CCDC171: variants seen among roughly 807,000 people sequenced by gnomAD.
CCDC171 encodes coiled-coil domain-containing protein 171.
CCDC171 carries 177 observed loss-of-function variants against 168.2 expected under a neutral mutation model. The observed-to-expected ratio is 1.05, with a 90% confidence interval of 0.93 to 1.19. The LOEUF (loss-of-function observed/expected upper bound fraction) is 1.19, where lower values mean the gene tolerates loss of function less well. Among genes scored for constraint, CCDC171 ranks in the 50% most tolerant of loss-of-function variants. The probability of loss-of-function intolerance (pLI) is 0.00; values close to 1 mark genes in which losing one functional copy is unlikely to be tolerated. For synonymous variants in CCDC171, 687 were observed against 540.8 expected, an observed-to-expected ratio of 1.27 and a Z score of -3.75; for missense variants, 1,991 against 1,539.0, an observed-to-expected ratio of 1.29 and a Z score of -4.91.
At chr9:15,808,796 C>T (rs750946310) in intron 21 of CCDC171, among the ~76,000 whole-genome samples, 96 of 152,180 alleles carry the variant, frequency 6.3e-4, no homozygotes, top group Admixed American at 4.0e-3. Flanking sequence ...TAGGATGTTG[C>T]CTTAGTCTAT....
chr9:15,604,499 A>G (rs377234636), intron 6 of CCDC171, among the ~76,000 whole-genome samples: 61 of 152,344 alleles, frequency 4.0e-4, no homozygotes, highest in African/African-American at 1.1e-3. Context: ...CCAAAATTCT[A>G]TACCTCAACC....
At chr9:16,080,142 C>G in the CCDC171 span, among the ~76,000 whole-genome samples, 1 of 152,160 alleles carries the variant, frequency 6.6e-6, no homozygotes, top group African/African-American at 2.4e-5. Flanking sequence ...GCTTCTGGAG[C>G]CTTTACCCTC....
intron 25 of CCDC171, among the ~76,000 whole-genome samples, chr9:15,931,034 A>T (rs1024556064): frequency 1.3e-5 from 2 of 151,548 alleles, no homozygotes; most frequent in African/African-American, 4.8e-5. Context: ...AGTCACATCC[A>T]TGCAATAAAC....
chr9:15,990,978 G>A (rs1250515184), intron 3 of CCDC171, among the ~76,000 whole-genome samples: 1 of 152,120 alleles, frequency 6.6e-6, no homozygotes, highest in Admixed American at 6.5e-5. Context: ...ATAATAATGG[G>A]AGACTTTAAC....
chr9:15,944,510 T>C (rs1459641691), intron 25 of CCDC171, among the ~76,000 whole-genome samples: 1 of 152,166 alleles, frequency 6.6e-6, no homozygotes, highest in Non-Finnish European at 1.5e-5. Flanking sequence ...ATGTATTCAA[T>C]ACTTACAACA....
At chr9:15,732,006 C>G (rs1044202540) in intron 16 of CCDC171, among the ~76,000 whole-genome samples, 1 of 151,950 alleles carries the variant, frequency 6.6e-6, no homozygotes, top group Non-Finnish European at 1.5e-5. Flanking sequence ...TGTAAAGTAT[C>G]TCTTCTACTG....
chr9:15,917,313 T>G (rs1824666392), intron 24 of CCDC171, among the ~76,000 whole-genome samples: 1 of 151,872 alleles, frequency 6.6e-6, no homozygotes, highest in African/African-American at 2.4e-5. Flanking sequence ...TTATACATAT[T>G]AGTAACATGA....
intron 6 of CCDC171, among the ~76,000 whole-genome samples, chr9:15,599,644 G>A (rs1038171600): frequency 3.3e-5 from 5 of 152,134 alleles, no homozygotes; most frequent in East Asian, 1.9e-4. Flanking sequence ...TGCTCCTTTC[G>A]AGGAGTATCT....
intron 2 of CCDC171, among the ~76,000 whole-genome samples, chr9:15,565,350 A>G (rs1228837118): frequency 6.6e-6 from 1 of 152,038 alleles, no homozygotes; most frequent in East Asian, 1.9e-4. Context: ...CAATGTATCA[A>G]AGTTTTTAAA....
chr9:15,657,755 A>G (rs374536062), intron 8 of CCDC171, among the ~76,000 whole-genome samples: 1 of 152,356 alleles, frequency 6.6e-6, no homozygotes, highest in Non-Finnish European at 1.5e-5. Flanking sequence ...GAAGTACAAA[A>G]TACTGAAATA....
At chr9:15,880,189 A>G (rs367807323) in intron 24 of CCDC171, among the ~76,000 whole-genome samples, 62 of 152,248 alleles carry the variant, frequency 4.1e-4, no homozygotes, top group African/African-American at 1.4e-3. Context: ...TTCTAAGTCC[A>G]TGACTGTGCT....
rs576739739 is a variant in CCDC171 at position 15,950,657 on chromosome 9, C to A, written c.3754-20952C>A. 5.0e-3 allele frequency among the ~76,000 whole-genome samples: 760 copies of A among 151,974 alleles called. 9 individuals carry two copies. Among genetic ancestry groups the A allele is most frequent in the African/African-American group, 0.017 (711 of 41,438 alleles). ...ATGGAAAGGAACAACCGATACCAGCCGCTGCAAAATCATGCCAAAATGTAA... is the reference window on the plus strand; with the variant it reads ...ATGGAAAGGAACAACCGATACCAGCAGCTGCAAAATCATGCCAAAATGTAA... On this transcript the variant is annotated intron_variant, in intron 25 of 25. Coordinates refer to ENST00000380701, the MANE Select transcript of CCDC171 (RefSeq NM_173550.4).
At chr9:15,878,922 T>G (rs1818229660) in intron 24 of CCDC171, among the ~76,000 whole-genome samples, 1 of 152,038 alleles carries the variant, frequency 6.6e-6, no homozygotes, top group African/African-American at 2.4e-5. Flanking sequence ...AGCTAAATGA[T>G]GAGAACACAT....
chr9:15,586,659 G>C (rs2041585591), intron 4 of CCDC171, among the ~76,000 whole-genome samples: 1 of 152,084 alleles, frequency 6.6e-6, no homozygotes, highest in African/African-American at 2.4e-5. Flanking sequence ...TGCTACTCTG[G>C]GATTACTTAA....
chr9:15,827,633 T>C (rs994873528), intron 21 of CCDC171, among the ~76,000 whole-genome samples: 2 of 152,212 alleles, frequency 1.3e-5, no homozygotes, highest in African/African-American at 4.8e-5. Context: ...CTTATAATTA[T>C]TAAAAGTTTC....
At chr9:15,740,951 T>C (rs1298128540) in intron 16 of CCDC171, among the ~76,000 whole-genome samples, 1 of 152,240 alleles carries the variant, frequency 6.6e-6, no homozygotes, top group African/African-American at 2.4e-5. Context: ...TTATTTTGTG[T>C]CTTTCAACCA....
chr9:15,810,701 G>C (rs1029398868), intron 21 of CCDC171, among the ~76,000 whole-genome samples: 1 of 152,186 alleles, frequency 6.6e-6, no homozygotes, highest in African/African-American at 2.4e-5. Context: ...CTCCGAGTGC[G>C]GGGCCTGCCG....
At chr9:15,903,076 GC>G (rs1402483102) in intron 24 of CCDC171, among the ~76,000 whole-genome samples, 1 of 152,216 alleles carries the variant, frequency 6.6e-6, no homozygotes, top group Non-Finnish European at 1.5e-5. Context: ...AAGGAAGCGT[GC>G]CTGCCTCTGT....
intron 24 of CCDC171, among the ~76,000 whole-genome samples, chr9:15,903,649 C>T (rs1235710035): frequency 6.6e-6 from 1 of 152,208 alleles, no homozygotes; most frequent in African/African-American, 2.4e-5. Flanking sequence ...CTCGGCTCCT[C>T]ACCAGCAACG....
Sources: gnomAD v4.1 joint callset for allele counts (sites outside exome capture counted in the v4.1 genomes callset) on GRCh38, gnomAD v4.1.1 for gene constraint, MANE v1.5 for transcripts, NCBI Gene and HGNC (gene_info 2026-07-23, HGNC 2026-07-21) for gene names.